The following SOX6 variants were observed in gnomAD, a reference collection of about 807,000 sequenced individuals.
SOX6 encodes the protein transcription factor SOX-6.
A neutral mutation model predicts 97.8 loss-of-function variants in SOX6; 11 were observed. The ratio of observed to expected loss-of-function variants is 0.11; its 90% CI spans 0.07 to 0.19. SOX6 has a LOEUF of 0.19. Among genes scored for constraint, SOX6 ranks in the 10% least tolerant of loss-of-function variants. The probability of loss-of-function intolerance (pLI) is 1.00; values close to 1 mark genes in which losing one functional copy is unlikely to be tolerated. For missense variants in SOX6, 810 were observed against 1,039.5 expected (o/e 0.78, Z 3.04); for synonymous variants, 360 against 371.4 (o/e 0.97, Z 0.35).
At chr11:16,126,526 CAGGT>C in intron 6 of SOX6, among the ~76,000 whole-genome samples, 1 of 152,062 alleles carries the variant, frequency 6.6e-6, no homozygotes, top group Non-Finnish European at 1.5e-5. Flanking sequence ...TTTTAACTGA[CAGGT>C]AGGAGATTAA....
intron 3 of SOX6, among the ~76,000 whole-genome samples, chr11:16,663,238 A>C (rs180844004): frequency 3.0e-3 from 452 of 152,326 alleles, no homozygotes; most frequent in Non-Finnish European, 4.1e-3. Context: ...TAGCCATTAC[A>C]ATATGGCAAG....
chr11:16,132,263 G>A (rs190772455), intron 6 of SOX6, among the ~76,000 whole-genome samples: 2,805 of 96,336 alleles, frequency 0.029, 56 homozygotes, highest in Middle Eastern at 0.044. Context: ...AAGAAAGAAA[G>A]AAAGAAGGAA....
intron 3 of SOX6, among the ~76,000 whole-genome samples, chr11:16,703,740 T>A (rs980846517): frequency 6.6e-6 from 1 of 152,138 alleles, no homozygotes; most frequent in Non-Finnish European, 1.5e-5. Context: ...GTTTTAAAAT[T>A]TTACCCATGG....
intron 13 of SOX6, among the ~76,000 whole-genome samples, chr11:16,003,631 G>A (rs1174077946): frequency 6.6e-6 from 1 of 152,028 alleles, no homozygotes; most frequent in East Asian, 1.9e-4. Context: ...TACTAATACA[G>A]TACAGTGGAC....
rs78251260 is a variant in SOX6 at position 16,173,612 on chromosome 11, GT to G, written c.777+10273del. Among the ~76,000 whole-genome samples, 4 of 145,962 alleles carry G rather than the reference GT, an allele frequency of 2.7e-5. No homozygotes were observed. In the South Asian group the frequency reaches 8.5e-4, roughly 31 times the overall value. On this transcript the variant is annotated intron_variant, in intron 6 of 15. Coordinates refer to ENST00000683767, the MANE Select transcript of SOX6 (RefSeq NM_001367873.1). ...TTTTTAAACTACTAGAAAAGTGTTT[GT>G]TTTTTTTAAAGAAACTACTAGACAA...
chr11:16,686,614 G>A (rs1462668211), intron 3 of SOX6, among the ~76,000 whole-genome samples: 1 of 152,174 alleles, frequency 6.6e-6, no homozygotes, highest in Non-Finnish European at 1.5e-5. Flanking sequence ...TCAGCATTTT[G>A]TTCACAGCAA....
chr11:16,321,013 G>A (rs1043642062), intron 2 of SOX6, among the ~76,000 whole-genome samples: 7 of 152,108 alleles, frequency 4.6e-5, no homozygotes, highest in African/African-American at 1.7e-4. Context: ...AGAATTCTGT[G>A]AAGTGATGCA....
At chr11:16,440,694 CAAAGATA>C (rs1859488459) in intron 1 of SOX6, among the ~76,000 whole-genome samples, 1 of 152,102 alleles carries the variant, frequency 6.6e-6, no homozygotes, top group Admixed American at 6.6e-5. Flanking sequence ...GCAAGTTTAA[CAAAGATA>C]AACTTATTTT....
At chr11:16,458,355 T>C (rs188031265) in intron 1 of SOX6, among the ~76,000 whole-genome samples, 1 of 152,174 alleles carries the variant, frequency 6.6e-6, no homozygotes, top group Admixed American at 6.6e-5. Context: ...TTTGTAAATG[T>C]TGCAATAAAA....
chr11:16,581,832 C>T (rs558723637), intron 4 of SOX6, among the ~76,000 whole-genome samples: 17 of 151,694 alleles, frequency 1.1e-4, no homozygotes, highest in Non-Finnish European at 1.8e-4. Context: ...CGTGGTGGCA[C>T]GTGTCTGTAA....
intron 2 of SOX6, among the ~76,000 whole-genome samples, chr11:16,328,149 C>A (rs1856159055): frequency 6.6e-6 from 1 of 152,104 alleles, no homozygotes; most frequent in Non-Finnish European, 1.5e-5. Flanking sequence ...CAATCTACAA[C>A]AAACTTCTGC....
intron 12 of SOX6, chr11:16,015,316 T>A (rs1484192566): frequency 2.0e-6 from 1 of 488,814 alleles, no homozygotes; most frequent in Non-Finnish European, 3.7e-6. Flanking sequence ...CTTCTCTCTG[T>A]CGGATTTGCT....
chr11:16,327,047 G>T (rs912213147), intron 2 of SOX6, among the ~76,000 whole-genome samples: 1 of 152,116 alleles, frequency 6.6e-6, no homozygotes. Flanking sequence ...AGATCCAAAG[G>T]TGCATGTCCC....
intron 6 of SOX6, among the ~76,000 whole-genome samples, chr11:16,142,488 C>T (rs1850171343): frequency 6.6e-6 from 1 of 152,176 alleles, no homozygotes; most frequent in South Asian, 2.1e-4. Context: ...AGCAACAGAA[C>T]AAAGCTGGAC....
rs547093186 is a variant in SOX6, at chr11:16,674,572, T to G, written n.429+40258A>C. Reference sequence around the variant, plus strand: ...AGGGCAATCAGACAAGAGAAAGAAATAAAGGGCAGCCAAGGCTGGGCATGG... The same window carrying G: ...AGGGCAATCAGACAAGAGAAAGAAAGAAAGGGCAGCCAAGGCTGGGCATGG... On this transcript the variant is annotated intron_variant and non_coding_transcript_variant, in intron 3 of 5. Transcript: ENST00000524520. Among the ~76,000 whole-genome samples the G allele has an allele frequency of 9.2e-5, 14 of 151,884 alleles. No individual in the cohort carries two copies. In the South Asian group the frequency reaches 2.7e-3, roughly 29 times the overall value.
chr11:16,217,252 T>C (rs962700008), intron 4 of SOX6, among the ~76,000 whole-genome samples: 1 of 152,190 alleles, frequency 6.6e-6, no homozygotes, highest in Non-Finnish European at 1.5e-5. Flanking sequence ...ACTCTTTGTA[T>C]ACTTTACTGT....
chr11:16,369,747 C>A (rs1857453220), intron 1 of SOX6, among the ~76,000 whole-genome samples: 1 of 152,164 alleles, frequency 6.6e-6, no homozygotes, highest in Non-Finnish European at 1.5e-5. Context: ...TTTATTGTCT[C>A]TTGATTCCAT....
chr11:16,673,671 T>G (rs1174585679), intron 3 of SOX6, among the ~76,000 whole-genome samples: 1 of 151,962 alleles, frequency 6.6e-6, no homozygotes, highest in East Asian at 1.9e-4. Flanking sequence ...ACCAAACATT[T>G]AAAGAACTAA....
intron 1 of SOX6, among the ~76,000 whole-genome samples, chr11:16,368,298 A>G (rs770979513): frequency 2.0e-5 from 3 of 152,186 alleles, no homozygotes; most frequent in African/African-American, 4.8e-5. Flanking sequence ...CCTAGCCAAC[A>G]TAGTAAAACC....
Sources: gnomAD v4.1 joint callset for allele counts (sites outside exome capture counted in the v4.1 genomes callset) on GRCh38, gnomAD v4.1.1 for gene constraint, MANE v1.5 for transcripts, NCBI Gene and HGNC (gene_info 2026-07-23, HGNC 2026-07-21) for gene names.